The following ACO1 variants were observed in gnomAD, a reference collection of about 807,000 sequenced individuals.
ACO1 encodes aconitase 1, also known as cytoplasmic aconitate hydratase.
ACO1 carries 78 observed loss-of-function variants against 105.1 expected under a neutral mutation model. The ratio of observed to expected loss-of-function variants is 0.74; its 90% CI spans 0.62 to 0.90. ACO1 has a LOEUF of 0.90. Ranked by LOEUF, ACO1 falls within the 40% of genes least tolerant of loss-of-function variation. The probability of loss-of-function intolerance (pLI) is 0.00; values close to 1 mark genes in which losing one functional copy is unlikely to be tolerated. For synonymous variants in ACO1, 364 were observed against 397.4 expected, an observed-to-expected ratio of 0.92 and a Z score of 1.00; for missense variants, 965 against 1,111.1, an observed-to-expected ratio of 0.87 and a Z score of 1.87.
At chr9:32,407,584 G>T (rs1391454058) in intron 3 of ACO1, among the ~76,000 whole-genome samples, 155 bp downstream of exon 3, 1 of 152,130 alleles carries the variant, frequency 6.6e-6, no homozygotes, top group Non-Finnish European at 1.5e-5. Flanking sequence ...ACTTTTGAAA[G>T]CTAAGGGTGT....
At chr9:32,397,503 T>C (rs1343844219) in intron 1 of ACO1, among the ~76,000 whole-genome samples, 1 of 152,248 alleles carries the variant, frequency 6.6e-6, no homozygotes, top group African/African-American at 2.4e-5. Flanking sequence ...GTGATATTGC[T>C]GGCCATGATG....
chr9:32,385,335 A>G (rs1487045426), intron 1 of ACO1, among the ~76,000 whole-genome samples: 1 of 152,194 alleles, frequency 6.6e-6, no homozygotes, highest in Non-Finnish European at 1.5e-5. Context: ...TCCTTCTTGC[A>G]ACACATGTAA....
In ACO1 at chr9:32,424,774, C is replaced by G; in HGVS notation, c.1188+109C>G. 8.0e-6 allele frequency: 6 copies of G among 752,172 alleles called. No individual in the cohort carries two copies. The South Asian group carries it at 1.0e-4, about 13-fold the overall frequency. The allele number at this position is 752,172 out of a possible 1,614,324, so 46.6% of individuals were successfully genotyped here. A position where few individuals can be genotyped will look rare whatever the true frequency, so the allele number is the denominator to read the frequency against. The stretch of plus-strand genomic sequence containing the variant: ...ACATGAATCTTCCTGTAGCCTGAAG[C>G]TTGAGGGTGTTTATTCTTCCTTCTG... On this transcript the variant is annotated intron_variant, in intron 10 of 20. Coordinates refer to ENST00000309951, the MANE Select transcript of ACO1 (RefSeq NM_002197.3).
In ACO1 at chr9:32,418,295, G is replaced by A. The variant is rs746415598; in HGVS notation, c.475-33G>A. Reference sequence around the variant, plus strand: ...TGGGCTGAGTAGAAGTACTTCACGCGTTCATAGTGTTCTTTCCATTTGTCA... The same window carrying A: ...TGGGCTGAGTAGAAGTACTTCACGCATTCATAGTGTTCTTTCCATTTGTCA... On this transcript the variant is annotated intron_variant, in intron 5 of 20. Coordinates refer to ENST00000309951, the MANE Select transcript of ACO1 (RefSeq NM_002197.3). 2.7e-5 allele frequency: 43 copies of A among 1,613,152 alleles called. No homozygotes were observed. In the East Asian group the frequency reaches 4.2e-4, roughly 16 times the overall value.
At chr9:32,425,166 T>C (rs1268263394) in intron 10 of ACO1, among the ~76,000 whole-genome samples, 1 of 152,222 alleles carries the variant, frequency 6.6e-6, no homozygotes. Context: ...GTTGGTACTT[T>C]ATTTGCATGT....
intron 8 of ACO1, among the ~76,000 whole-genome samples, 185 bp downstream of exon 8, chr9:32,421,212 G>T (rs1017331093): frequency 2.6e-5 from 4 of 152,052 alleles, no homozygotes; most frequent in African/African-American, 9.7e-5. Context: ...GATAGAGATG[G>T]TATGGCCAAT....
chr9:32,391,823 A>G (rs192313431), intron 1 of ACO1, among the ~76,000 whole-genome samples: 34 of 152,362 alleles, frequency 2.2e-4, no homozygotes, highest in African/African-American at 6.5e-4. Context: ...GATAAGATAA[A>G]TAAGCCATTG....
chr9:32,413,111 A>G (rs1056640277), intron 4 of ACO1, among the ~76,000 whole-genome samples: 6 of 152,070 alleles, frequency 3.9e-5, no homozygotes, highest in Non-Finnish European at 8.8e-5. Context: ...TACTGAAAAC[A>G]TGAAAAACAG....
chr9:32,422,446 G>A (rs192386424), intron 8 of ACO1, among the ~76,000 whole-genome samples: 41 of 152,298 alleles, frequency 2.7e-4, no homozygotes, highest in Non-Finnish European at 5.4e-4. Context: ...AGCTAATGAC[G>A]TTTACAGTTC....
intron 19 of ACO1, among the ~76,000 whole-genome samples, chr9:32,447,924 C>G (rs141867668): frequency 0.022 from 3,333 of 152,324 alleles, 90 homozygotes; most frequent in African/African-American, 0.069. Flanking sequence ...ATTGCTGCCT[C>G]TTCCTTCCTC....
At chr9:32,400,728 C>T (rs976233809) in intron 1 of ACO1, among the ~76,000 whole-genome samples, 4 of 152,024 alleles carry the variant, frequency 2.6e-5, no homozygotes, top group Admixed American at 6.6e-5. Flanking sequence ...TTTAAATGAC[C>T]GCTCCAGTGT....
At chr9:32,398,096 C>G (rs952495254) in intron 1 of ACO1, among the ~76,000 whole-genome samples, 2 of 152,160 alleles carry the variant, frequency 1.3e-5, no homozygotes, top group African/African-American at 4.8e-5. Context: ...TGCTCCTCCT[C>G]CTGCTGTGTG....
intron 16 of ACO1, 95 bp downstream of exon 16, chr9:32,433,927 C>G (rs932662947): frequency 2.9e-6 from 3 of 1,021,308 alleles, no homozygotes; most frequent in African/African-American, 3.3e-5. Context: ...CTTTGACTAC[C>G]CATTTTATTA....
chr9:32,408,725 G>T, intron 4 of ACO1, 74 bp downstream of exon 4: 1 of 1,470,920 alleles, frequency 6.8e-7, no homozygotes. Flanking sequence ...TTTAAAATGT[G>T]TATATGTAGT....
intron 19 of ACO1, among the ~76,000 whole-genome samples, chr9:32,442,542 C>T (rs890184440): frequency 6.6e-6 from 1 of 152,104 alleles, no homozygotes; most frequent in East Asian, 1.9e-4. Flanking sequence ...ATAAAACATA[C>T]TTTAAGCTTA....
chr9:32,440,700 A>C, intron 19 of ACO1, 113 bp downstream of exon 19: 2 of 1,395,480 alleles, frequency 1.4e-6, no homozygotes, highest in Non-Finnish European at 9.5e-7. Flanking sequence ...GAGCAAGCTC[A>C]AAAAAGCAGG....
chr9:32,409,527 A>G (rs941548734), intron 4 of ACO1, among the ~76,000 whole-genome samples: 2 of 152,200 alleles, frequency 1.3e-5, no homozygotes, highest in Admixed American at 6.5e-5. Context: ...CCATCCCCAC[A>G]TCCTTAGCAT....
At chr9:32,404,041 C>A (rs143997947) in intron 1 of ACO1, among the ~76,000 whole-genome samples, 92 of 152,114 alleles carry the variant, frequency 6.0e-4, no homozygotes, top group Non-Finnish European at 9.3e-4. Flanking sequence ...GTAAACTTCT[C>A]CTTCTGCAGA....
chr9:32,434,897 T>G (rs907802630), intron 17 of ACO1, among the ~76,000 whole-genome samples, 196 bp downstream of exon 17: 1 of 152,178 alleles, frequency 6.6e-6, no homozygotes, highest in Non-Finnish European at 1.5e-5. Flanking sequence ...GATCAACATG[T>G]GAATCCTAAC....
Sources: allele counts gnomAD v4.1 joint callset (sites outside exome capture counted in the v4.1 genomes callset), GRCh38; gene constraint gnomAD v4.1.1; transcripts MANE v1.5; gene names NCBI Gene and HGNC (gene_info 2026-07-23, HGNC 2026-07-21).